Variants in GABRB2 observed in about 807,000 individuals in gnomAD.
The protein encoded by GABRB2 is gamma-aminobutyric acid receptor subunit beta-2.
A neutral mutation model predicts 54.7 loss-of-function variants in GABRB2; 16 were observed. The observed-to-expected ratio is 0.29, with a 90% confidence interval of 0.20 to 0.44. The LOEUF is 0.44. GABRB2 is among the 20% of genes least tolerant of loss of function. GABRB2 has a pLI of 1.00. For synonymous variants in GABRB2, 244 were observed against 233.8 expected (o/e 1.04, Z -0.40); for missense variants, 355 against 644.0 (o/e 0.55, Z 4.86).
chr5:161,427,509 G>T (rs942923048), intron 4 of GABRB2, among the ~76,000 whole-genome samples: 7 of 152,106 alleles, frequency 4.6e-5, no homozygotes, highest in African/African-American at 1.7e-4. Context: ...GGTCTCAGTG[G>T]GGTTCTGTAC....
intron 5 of GABRB2, among the ~76,000 whole-genome samples, chr5:161,391,294 G>C (rs1163272238): frequency 6.6e-6 from 1 of 152,146 alleles, no homozygotes; most frequent in African/African-American, 2.4e-5. Flanking sequence ...TTGTTAAGCA[G>C]GAGCATATGT....
At chr5:161,471,944 T>C (rs1032976120) in intron 3 of GABRB2, among the ~76,000 whole-genome samples, 1 of 151,874 alleles carries the variant, frequency 6.6e-6, no homozygotes, top group Admixed American at 6.6e-5. Context: ...CATTATTTCA[T>C]TAATCATCAC....
At position 161,442,049 on chromosome 5, in the gene GABRB2, T is replaced by C. The variant is rs186512285; in HGVS notation, c.458+17575A>G. The stretch of plus-strand genomic sequence containing the variant: ...GAATGAATAAGACCTATAGGGTGAC[T>C]ATAGTCAATGGTGACTTAATTGTAC... On this transcript the variant is annotated intron_variant, in intron 4 of 9. Coordinates refer to ENST00000393959, the MANE Select transcript of GABRB2 (RefSeq NM_001371727.1). Among the ~76,000 whole-genome samples, 225 of 152,250 alleles carry C rather than the reference T, an allele frequency of 1.5e-3. 1 individual carries two copies. The highest frequency in any genetic ancestry group is 5.9e-4 in the Non-Finnish European group (40 of 68,014).
chr5:161,361,424 C>T (rs951647130), intron 5 of GABRB2, among the ~76,000 whole-genome samples: 1 of 151,932 alleles, frequency 6.6e-6, no homozygotes, highest in Non-Finnish European at 1.5e-5. Context: ...TGCATGATAT[C>T]TATGATTTGA....
At chr5:161,400,799 C>T (rs1346947688) in intron 5 of GABRB2, among the ~76,000 whole-genome samples, 1 of 152,184 alleles carries the variant, frequency 6.6e-6, no homozygotes, top group Non-Finnish European at 1.5e-5. Flanking sequence ...TGCTTACCAC[C>T]TGGTCAAAGG....
chr5:161,431,538 A>T (rs540229169), intron 4 of GABRB2, among the ~76,000 whole-genome samples: 4 of 152,354 alleles, frequency 2.6e-5, no homozygotes, highest in African/African-American at 7.2e-5. Flanking sequence ...ATGCTCTGCC[A>T]AACAGTAGCC....
intron 7 of GABRB2, among the ~76,000 whole-genome samples, chr5:161,333,640 C>CT (rs1408797481): frequency 6.6e-6 from 1 of 152,000 alleles, no homozygotes; most frequent in African/African-American, 2.4e-5. Flanking sequence ...TTTTGTGATC[C>CT]TTTAGGCCTC....
chr5:161,319,165 G>C (rs1758134459), intron 9 of GABRB2, among the ~76,000 whole-genome samples: 1 of 149,334 alleles, frequency 6.7e-6, no homozygotes, highest in South Asian at 2.1e-4. Flanking sequence ...GTGATGGCGG[G>C]CATCCATTTC....
Position 161,459,289 on chromosome 5 carries a change from A to T in GABRB2, c.458+335T>A, listed in dbSNP as rs1758052417. Reference sequence around the variant, plus strand: ...ACAAAACACAGCATCTCCCATATTCAAACAATTAGTTGGCATTCACAATGT... The same window carrying T: ...ACAAAACACAGCATCTCCCATATTCTAACAATTAGTTGGCATTCACAATGT... On this transcript the variant is annotated intron_variant, in intron 4 of 9. Transcript: ENST00000393959. 1.3e-5 allele frequency: 4 copies of T among 305,994 alleles called. No homozygotes were observed. In the South Asian group the frequency reaches 1.5e-4, roughly 11 times the overall value. 19.0% of individuals were successfully genotyped at this position (305,994 alleles called of 1,614,324 possible). A position where few individuals can be genotyped will look rare whatever the true frequency, so the allele number is the denominator to read the frequency against.
At chr5:161,537,415 C>T (rs930012956) in intron 3 of GABRB2, among the ~76,000 whole-genome samples, 2 of 152,008 alleles carry the variant, frequency 1.3e-5, no homozygotes, top group East Asian at 1.9e-4. Context: ...AAAAAAAAAT[C>T]ACCATTTCCC....
At chr5:161,481,200 G>A (rs745368026) in intron 3 of GABRB2, among the ~76,000 whole-genome samples, 55 of 151,952 alleles carry the variant, frequency 3.6e-4, no homozygotes, top group African/African-American at 1.3e-3. Context: ...TTGATTAAAG[G>A]TAACTAGATG....
intron 9 of GABRB2, among the ~76,000 whole-genome samples, chr5:161,312,835 A>G (rs1040048070): frequency 6.6e-6 from 1 of 152,126 alleles, no homozygotes; most frequent in African/African-American, 2.4e-5. Flanking sequence ...TCTGAGAATG[A>G]ACCTCTCTAT....
intron 5 of GABRB2, among the ~76,000 whole-genome samples, chr5:161,344,851 A>G (rs1417307764): frequency 6.6e-6 from 1 of 152,172 alleles, no homozygotes; most frequent in Non-Finnish European, 1.5e-5. Context: ...TACACCATAG[A>G]ATACTATGCA....
At chr5:161,425,182 A>G (rs1243363321) in intron 4 of GABRB2, among the ~76,000 whole-genome samples, 2 of 152,132 alleles carry the variant, frequency 1.3e-5, no homozygotes, top group African/African-American at 4.8e-5. Flanking sequence ...AGAACTTACA[A>G]TATTACATGA....
intron 3 of GABRB2, among the ~76,000 whole-genome samples, chr5:161,494,483 C>T (rs1759170707): frequency 6.6e-6 from 1 of 151,388 alleles, no homozygotes; most frequent in Non-Finnish European, 1.5e-5. Flanking sequence ...TGGTTAGAAA[C>T]ACATTTACAC....
At chr5:161,479,894 T>A (rs948471876) in intron 3 of GABRB2, among the ~76,000 whole-genome samples, 1 of 152,030 alleles carries the variant, frequency 6.6e-6, no homozygotes, top group Non-Finnish European at 1.5e-5. Flanking sequence ...AGCTGAAACT[T>A]CTTTATAAAG....
rs141160586 is a variant in GABRB2, at chr5:161,422,965, C to G, written c.459-11908G>C. Among the ~76,000 whole-genome samples, 423 of 152,230 alleles carry G rather than the reference C, an allele frequency of 2.8e-3. 1 individual carries two copies. The highest frequency in any genetic ancestry group is 9.7e-3 in the African/African-American group (403 of 41,572). On this transcript the variant is annotated intron_variant, in intron 4 of 9. Transcript: ENST00000393959. ...TGATTGAATTCCATCCATAAGATCT[C>G]TATAATTATTGTTCTAATGAATCTC... is the stretch of plus-strand genomic sequence containing the variant.
chr5:161,357,836 G>T (rs113546106), intron 5 of GABRB2, among the ~76,000 whole-genome samples: 3,681 of 152,194 alleles, frequency 0.024, 148 homozygotes, highest in African/African-American at 0.082. Context: ...CAAATGGAAG[G>T]TTGGAGTTGG....
intron 3 of GABRB2, 113 bp from the exon 4 acceptor site, chr5:161,459,957 T>G: frequency 1.5e-6 from 1 of 649,624 alleles, no homozygotes; most frequent in Non-Finnish European, 2.5e-6. Flanking sequence ...TTATTTTTAT[T>G]TTTTTGAGAC....
Sources: gnomAD v4.1 joint callset for allele counts (sites outside exome capture counted in the v4.1 genomes callset) on GRCh38, gnomAD v4.1.1 for gene constraint, MANE v1.5 for transcripts, NCBI Gene and HGNC (gene_info 2026-07-23, HGNC 2026-07-21) for gene names.